The following LIPJ variants were observed in gnomAD, a reference collection of about 807,000 sequenced individuals.
LIPJ encodes lipase member J.
A neutral mutation model predicts 39.8 loss-of-function variants in LIPJ; 33 were observed. That is an observed-to-expected ratio of 0.83 (90% CI 0.63 to 1.11). The LOEUF is 1.11. Among genes scored for constraint, LIPJ ranks in the 50% least tolerant of loss-of-function variants. The pLI is 0.00. For synonymous variants in LIPJ, 128 were observed against 139.2 expected (o/e 0.92, Z 0.57); for missense variants, 422 against 427.9 (o/e 0.99, Z 0.12).
intron 9 of LIPJ, among the ~76,000 whole-genome samples, chr10:88,604,873 AT>A (rs1244250689): frequency 6.6e-6 from 1 of 152,180 alleles, no homozygotes; most frequent in Non-Finnish European, 1.5e-5. Flanking sequence ...AGAGGCAAAA[AT>A]GCAAATGAAG....
At chr10:88,620,324 A>G in the LIPJ span, among the ~76,000 whole-genome samples, 23 of 152,300 alleles carry the variant, frequency 1.5e-4, no homozygotes, top group African/African-American at 5.5e-4. Context: ...TAAGGAGTAT[A>G]GCTTAGTTAA....
chr10:88,602,546 A>G, intron 8 of LIPJ, 30 bp from the exon 9 acceptor site: 1 of 1,429,180 alleles, frequency 7.0e-7, no homozygotes, highest in Non-Finnish European at 9.6e-7. Flanking sequence ...CTTATATAAA[A>G]ATGCTTTTTT....
chr10:88,596,719 G>A, intron 7 of LIPJ, 71 bp from the exon 8 acceptor site: 2 of 1,301,408 alleles, frequency 1.5e-6, no homozygotes, highest in Non-Finnish European at 2.2e-6. Flanking sequence ...TATAGATAGT[G>A]AATTACCACA....
chr10:88,600,679 G>C (rs17430401), intron 8 of LIPJ, among the ~76,000 whole-genome samples: 10,044 of 152,266 alleles, frequency 0.066, 495 homozygotes, highest in Non-Finnish European at 0.1. Flanking sequence ...GATTGCAGGG[G>C]ACTGTGAATA....
exon 5 of LIPJ, chr10:88,593,998 C>T (rs982753337): frequency 1.2e-6 from 2 of 1,612,334 alleles, no homozygotes; most frequent in Middle Eastern, 3.3e-4. Context: ...CTGCCAGCAG[C>T]TGGATTTCCA....
chr10:88,583,367 G>C, upstream of LIPJ: 4 of 1,396,682 alleles, frequency 2.9e-6, no homozygotes, highest in Non-Finnish European at 3.7e-6. Context: ...GGCGGCCGGA[G>C]CTGAGAGGCC....
the LIPJ span, among the ~76,000 whole-genome samples, chr10:88,622,681 G>C: frequency 1.5e-4 from 23 of 152,176 alleles, no homozygotes; most frequent in Non-Finnish European, 2.9e-4. Flanking sequence ...TGACTAAGGA[G>C]GGAGGAGTCA....
At chr10:88,612,707 C>T in the LIPJ span, among the ~76,000 whole-genome samples, 1 of 152,020 alleles carries the variant, frequency 6.6e-6, no homozygotes, top group African/African-American at 2.4e-5. Flanking sequence ...TATATACGCA[C>T]CTTACACTGG....
At chr10:88,615,212 G>C in the LIPJ span, among the ~76,000 whole-genome samples, 1 of 152,120 alleles carries the variant, frequency 6.6e-6, no homozygotes, top group South Asian at 2.1e-4. Context: ...AATATACAAA[G>C]AATTTCTACA....
At chr10:88,602,793 A>G (rs1216221588) in intron 9 of LIPJ, 146 bp downstream of exon 9, 2 of 464,520 alleles carry the variant, frequency 4.3e-6, no homozygotes, top group Non-Finnish European at 7.0e-6. Flanking sequence ...AATTCCTTAC[A>G]GTTTATAAAA....
At chr10:88,609,792 G>A (rs1221734846), downstream of LIPJ, among the ~76,000 whole-genome samples, 2 of 151,624 alleles carry the variant, frequency 1.3e-5, no homozygotes, top group African/African-American at 2.4e-5. Flanking sequence ...CCAGCTACTC[G>A]GGAGGCTGAG....
At chr10:88,594,002 A>G (rs746878385) in exon 5 of LIPJ, 5 of 1,612,336 alleles carry the variant, frequency 3.1e-6, no homozygotes, top group Non-Finnish European at 3.4e-6. Context: ...CAGCAGCTGG[A>G]TTTCCAATCT....
the LIPJ span, among the ~76,000 whole-genome samples, chr10:88,613,800 ATGTGTGTGTGTGTG>A: frequency 1.6e-4 from 12 of 74,120 alleles, no homozygotes; most frequent in Middle Eastern, 7.2e-3. Context: ...ATATATATAT[ATGTGTGTGTGTGTG>A]TGTATATATA....
At chr10:88,617,147 G>A in the LIPJ span, among the ~76,000 whole-genome samples, 2 of 152,236 alleles carry the variant, frequency 1.3e-5, no homozygotes, top group African/African-American at 4.8e-5. Flanking sequence ...TGCCAAACAT[G>A]CTCTCGGGAC....
chr10:88,584,257 T>C (rs1397251303), upstream of LIPJ: 1 of 151,410 alleles, frequency 6.6e-6, no homozygotes, highest in African/African-American at 2.4e-5. Flanking sequence ...TAGAAGAAAA[T>C]GTAGACGGGC....
At chr10:88,586,509 ACCTAAAAGAGGT>A (rs1850924526), upstream of LIPJ, among the ~76,000 whole-genome samples, 1 of 152,138 alleles carries the variant, frequency 6.6e-6, no homozygotes, top group Non-Finnish European at 1.5e-5. Flanking sequence ...CTTAAAAGCC[ACCTAAAAGAGGT>A]CTTCTCTAAC....
At chr10:88,596,722 T>C (rs1050553146) in intron 7 of LIPJ, 68 bp from the exon 8 acceptor site, 15 of 1,323,142 alleles carry the variant, frequency 1.1e-5, no homozygotes, top group Non-Finnish European at 1.6e-5. Flanking sequence ...AGATAGTGAA[T>C]TACCACAACA....
At chr10:88,594,001 G>T (rs1851169370) in exon 5 of LIPJ, 1 of 1,612,320 alleles carries the variant, frequency 6.2e-7, no homozygotes, top group Non-Finnish European at 8.5e-7. Context: ...CCAGCAGCTG[G>T]ATTTCCAATC....
At chr10:88,606,806 A>G (rs1851681969) in exon 11 of LIPJ, 2 of 1,612,578 alleles carry the variant, frequency 1.2e-6, no homozygotes, top group South Asian at 2.2e-5. Flanking sequence ...CATTTATTAT[A>G]AAACTATTTC....
Sources: gnomAD v4.1 joint callset for allele counts (sites outside exome capture counted in the v4.1 genomes callset) on GRCh38, gnomAD v4.1.1 for gene constraint, MANE v1.5 for transcripts, NCBI Gene and HGNC (gene_info 2026-07-23, HGNC 2026-07-21) for gene names.